Variants in KLHL6 observed in about 807,000 individuals in gnomAD.
KLHL6 encodes the protein kelch like family member 6, also known as kelch-like protein 6.
In KLHL6, 41 loss-of-function variants were observed where a neutral mutation model predicts 58.6. The observed-to-expected ratio is 0.70, with a 90% CI of 0.55 to 0.91. The LOEUF (loss-of-function observed/expected upper bound fraction) is 0.91. KLHL6 is among the 40% of genes least tolerant of loss of function. The pLI is 0.00. For synonymous variants in KLHL6, 338 were observed against 322.7 expected, an observed-to-expected ratio of 1.05 and a Z score of -0.51; for missense variants, 714 against 805.6, an observed-to-expected ratio of 0.89 and a Z score of 1.38.
chr3:183,535,402 G>T (rs575640746), intron 1 of KLHL6, among the ~76,000 whole-genome samples: 30 of 152,266 alleles, frequency 2.0e-4, no homozygotes, highest in African/African-American at 6.7e-4. Flanking sequence ...AGTCATCTCA[G>T]GAGGCAAAGC....
intron 1 of KLHL6, among the ~76,000 whole-genome samples, chr3:183,549,669 C>T (rs1712845286): frequency 6.6e-6 from 1 of 152,176 alleles, no homozygotes; most frequent in Admixed American, 6.5e-5. Context: ...CCACCACGCC[C>T]AGCTAATTTT....
In KLHL6 at chr3:183,499,900, G is replaced by A; in HGVS notation, c.910-73C>T. On this transcript the variant is annotated intron_variant, in intron 3 of 6. Transcript: ENST00000341319. The surrounding 1 kb of genome is among the most constrained non-coding windows in gnomAD (Gnocchi z 4.6). ...AGAGCTCGGGCTATGGAGCCATTAG[G>A]AGTCGGGTCCAATTCCCATATCTGC... The A allele has an allele frequency of 8.5e-7, 1 of 1,179,624 alleles. No homozygotes were observed. The allele number at this position is 1,179,624 out of a possible 1,614,324, so 73.1% of individuals were successfully genotyped here.
chr3:183,506,824 T>G (rs1389744971), intron 3 of KLHL6, among the ~76,000 whole-genome samples: 1 of 142,054 alleles, frequency 7.0e-6, no homozygotes, highest in Non-Finnish European at 1.5e-5. Flanking sequence ...CAAGACCTCC[T>G]CTCAAAAATA....
chr3:183,496,708 T>G (rs1341205851), intron 4 of KLHL6, among the ~76,000 whole-genome samples: 1 of 152,266 alleles, frequency 6.6e-6, no homozygotes, highest in African/African-American at 2.4e-5. Flanking sequence ...GTATATCCAT[T>G]AAACCAACAT....
intron 2 of KLHL6, among the ~76,000 whole-genome samples, chr3:183,509,271 T>C (rs1718111543): frequency 6.6e-6 from 1 of 152,260 alleles, no homozygotes; most frequent in African/African-American, 2.4e-5. Context: ...GAAACAATTA[T>C]GATTCATTTT....
At chr3:183,530,058 A>G (rs1712107283) in intron 1 of KLHL6, among the ~76,000 whole-genome samples, 1 of 152,126 alleles carries the variant, frequency 6.6e-6, no homozygotes, top group Non-Finnish European at 1.5e-5. Context: ...TCGGACTTTC[A>G]GGATCCAGAA....
In KLHL6 at chr3:183,514,151, A is replaced by G. The variant is rs375528226; in HGVS notation, c.460-5643T>C. 7.2e-5 allele frequency among the ~76,000 whole-genome samples: 11 copies of G among 152,356 alleles called. No individual in the cohort carries two copies. The East Asian group carries it at 1.5e-3, about 21-fold the overall frequency. On this transcript the variant is annotated intron_variant, in intron 2 of 6. Transcript: ENST00000341319. Reference sequence around the variant, plus strand: ...GAGCAGAGACAAAGCGCCTGCGCTCATTGAAGCCGACAGACCAGTGGAGGC... The same window carrying G: ...GAGCAGAGACAAAGCGCCTGCGCTCGTTGAAGCCGACAGACCAGTGGAGGC...
At chr3:183,539,262 C>T (rs1224390446) in intron 1 of KLHL6, among the ~76,000 whole-genome samples, 1 of 152,188 alleles carries the variant, frequency 6.6e-6, no homozygotes, top group African/African-American at 2.4e-5. Flanking sequence ...TCTTCTAAGA[C>T]ACAGCCTTCC....
chr3:183,498,527 C>T (rs935226627), intron 4 of KLHL6, among the ~76,000 whole-genome samples: 5 of 152,162 alleles, frequency 3.3e-5, no homozygotes, highest in African/African-American at 9.7e-5. Flanking sequence ...TGACACCTAC[C>T]AGTGTGCGAC....
chr3:183,502,338 G>C (rs989511856), intron 3 of KLHL6, among the ~76,000 whole-genome samples: 2 of 151,520 alleles, frequency 1.3e-5, no homozygotes, highest in Admixed American at 6.6e-5. Flanking sequence ...ATGAGTGAAT[G>C]AATGGGCAAG....
At chr3:183,545,515 A>G (rs1712688876) in intron 1 of KLHL6, among the ~76,000 whole-genome samples, 1 of 152,186 alleles carries the variant, frequency 6.6e-6, no homozygotes, top group Admixed American at 6.5e-5. Flanking sequence ...TCTAAAATTG[A>G]AGAATAGATT....
chr3:183,519,912 A>G (rs1373185103), intron 2 of KLHL6, among the ~76,000 whole-genome samples: 4 of 151,014 alleles, frequency 2.6e-5, no homozygotes, highest in African/African-American at 9.7e-5. Flanking sequence ...AAAAAAAAAA[A>G]AAAAACAAGA....
In KLHL6 at chr3:183,499,836, C is replaced by T. The variant is rs377061063; in HGVS notation, c.910-9G>A. The T allele has an allele frequency of 2.1e-5, 32 of 1,560,768 alleles. No homozygotes were observed. The African/African-American group carries it at 3.8e-4, about 19-fold the overall frequency. ...GTGCGTTCCGAAATGATCTGGAAAT[C>T]GATGGGGGTACATGAAGGCAGGGAC... On this transcript the variant is annotated splice_polypyrimidine_tract_variant and intron_variant, in intron 3 of 6. Coordinates refer to ENST00000341319, the MANE Select transcript of KLHL6 (RefSeq NM_130446.4). The surrounding 1 kb of genome is among the most constrained non-coding windows in gnomAD (Gnocchi z 4.6).
intron 1 of KLHL6, among the ~76,000 whole-genome samples, chr3:183,529,531 A>T (rs941381497): frequency 2.6e-5 from 4 of 152,116 alleles, no homozygotes; most frequent in Non-Finnish European, 5.9e-5. Flanking sequence ...TATAGCAAGA[A>T]TGCATGAATT....
Position 183,555,386 on chromosome 3 carries a change from G to A in KLHL6, c.268C>T (p.Leu90Phe), listed in dbSNP as rs548549593. ...CTGAAATAGTTGCTGGCTGCGGCAA[G>A]CACCACGCGGTGGCAGGAGAATTCC... ...IQEFSCHRVV[L>F]AAASNYFRAM... Residue 90 changes from leucine (L) to phenylalanine (F), a missense_variant, in exon 1 of 7, where the codon CTT (leucine) becomes TTT (phenylalanine). Around this residue, in one of 2 missense-constraint regions of KLHL6, gnomAD observed 204 missense variants for 175.9 expected, o/e 1.16. Transcript: ENST00000341319. 3.1e-6 allele frequency: 5 copies of A among 1,614,100 alleles called. No individual in the cohort carries two copies. The African/African-American group carries it at 4.0e-5, about 13-fold the overall frequency.
chr3:183,496,666 G>C (rs1337694152), intron 4 of KLHL6, among the ~76,000 whole-genome samples: 2 of 152,186 alleles, frequency 1.3e-5, no homozygotes, highest in African/African-American at 4.8e-5. Context: ...CCCACCATGT[G>C]CTTTGCATGT....
At chr3:183,518,533 T>G (rs1199071528) in intron 2 of KLHL6, among the ~76,000 whole-genome samples, 1 of 152,146 alleles carries the variant, frequency 6.6e-6, no homozygotes, top group African/African-American at 2.4e-5. Flanking sequence ...GCGATATGGA[T>G]TTTCATTACA....
intron 1 of KLHL6, among the ~76,000 whole-genome samples, chr3:183,549,561 T>A (rs920055791): frequency 3.9e-5 from 6 of 152,136 alleles, no homozygotes; most frequent in African/African-American, 1.4e-4. Context: ...CCGGCTGGAG[T>A]GCAGTGGCAT....
In KLHL6 at chr3:183,502,951, G is replaced by C. The variant is rs140665813; in HGVS notation, c.910-3124C>G. Among the ~76,000 whole-genome samples, 777 of 152,290 alleles carry C rather than the reference G, an allele frequency of 5.1e-3. 10 individuals are homozygous for C. Among genetic ancestry groups the C allele is most frequent in the African/African-American group, 0.017 (721 of 41,570 alleles). ...GACCTGTCTTATAATTCAGCACCAC[G>C]GAGCTGCCGAGTGGTGGCATCATTA... On this transcript the variant is annotated intron_variant, in intron 3 of 6. Transcript: ENST00000341319.
Sources: gnomAD v4.1 joint callset for allele counts (sites outside exome capture counted in the v4.1 genomes callset) on GRCh38, gnomAD v4.1.1 for gene constraint, gnomAD v4.1.1 regional missense constraint, Gnocchi (gnomAD v3.1) non-coding constraint, MANE v1.5 for transcripts, NCBI Gene and HGNC (gene_info 2026-07-23, HGNC 2026-07-21) for gene names.